SLC9B1: variants seen among roughly 807,000 people sequenced by gnomAD.
SLC9B1 encodes solute carrier family 9 member B1, also known as sodium/hydrogen exchanger 9B1.
SLC9B1 carries 32 observed loss-of-function variants against 51.7 expected under a neutral mutation model. That is an observed-to-expected ratio of 0.62 (90% CI 0.47 to 0.83). SLC9B1 has a LOEUF of 0.83. Among genes scored for constraint, SLC9B1 ranks in the 40% least tolerant of loss-of-function variants. The pLI is 0.00. For synonymous variants in SLC9B1, 145 were observed against 212.7 expected (o/e 0.68, Z 2.77); for missense variants, 406 against 613.2 (o/e 0.66, Z 3.57).
intron 7 of SLC9B1, among the ~76,000 whole-genome samples, chr4:102,915,868 G>C (rs148588595): frequency 0.016 from 2,375 of 152,194 alleles, 62 homozygotes; most frequent in African/African-American, 0.051. Flanking sequence ...ATTTAAAATA[G>C]ATTATTATAA....
At chr4:102,992,600 T>C (rs983646171) in intron 1 of SLC9B1, among the ~76,000 whole-genome samples, 1 of 152,206 alleles carries the variant, frequency 6.6e-6, no homozygotes, top group African/African-American at 2.4e-5. Context: ...TATTACTGCA[T>C]AAAATCCTAT....
At chr4:102,889,243 C>G (rs576486602) in intron 11 of SLC9B1, 20 of 147,052 alleles carry the variant, frequency 1.4e-4, no homozygotes, top group African/African-American at 5.2e-4. Flanking sequence ...ATTGCTCTCA[C>G]TTCTTTGACT....
intron 2 of SLC9B1, 53 bp downstream of exon 2, chr4:102,991,590 T>G: frequency 8.4e-7 from 1 of 1,196,754 alleles, no homozygotes. Context: ...GAATAAATTT[T>G]AAGATCAGGT....
intron 3 of SLC9B1, among the ~76,000 whole-genome samples, chr4:102,968,274 T>G (rs1738538133): frequency 1.3e-5 from 2 of 152,188 alleles, no homozygotes; most frequent in South Asian, 4.1e-4. Flanking sequence ...AACAAATGAT[T>G]CTATAATAAC....
At chr4:102,920,357 C>A (rs920481535) in intron 7 of SLC9B1, among the ~76,000 whole-genome samples, 2 of 152,064 alleles carry the variant, frequency 1.3e-5, no homozygotes, top group Non-Finnish European at 2.9e-5. Context: ...AAAGGAATAG[C>A]ATCAACATTA....
intron 1 of SLC9B1, among the ~76,000 whole-genome samples, chr4:103,003,781 G>T (rs765310120): frequency 6.6e-6 from 1 of 152,122 alleles, no homozygotes; most frequent in African/African-American, 2.4e-5. Context: ...AACAGAGCTA[G>T]GGGCCTGGTT....
chr4:102,906,710 C>G, intron 9 of SLC9B1, 66 bp from the exon 10 acceptor site: 1 of 946,512 alleles, frequency 1.1e-6, no homozygotes, highest in Non-Finnish European at 1.5e-6. Flanking sequence ...AACTTAAAGT[C>G]TTCCCCCCCC....
intron 1 of SLC9B1, among the ~76,000 whole-genome samples, chr4:103,018,163 C>T (rs1741496101): frequency 6.6e-6 from 1 of 152,066 alleles, no homozygotes; most frequent in Admixed American, 6.5e-5. Flanking sequence ...AGGATGAGTA[C>T]AAAAATAAGT....
At chr4:103,013,775 C>T (rs1317306977) in intron 1 of SLC9B1, among the ~76,000 whole-genome samples, 1 of 152,174 alleles carries the variant, frequency 6.6e-6, no homozygotes, top group African/African-American at 2.4e-5. Flanking sequence ...CATTCTTTCT[C>T]GCTGCTTTTC....
chr4:102,905,388 GATCA>G (rs1734994421), intron 11 of SLC9B1, 122 bp downstream of exon 11: 1 of 1,017,858 alleles, frequency 9.8e-7, no homozygotes, highest in Admixed American at 2.3e-5. Context: ...GAATAGTTAT[GATCA>G]ATCAAACATT....
At chr4:102,981,556 G>A (rs1739359603) in intron 3 of SLC9B1, among the ~76,000 whole-genome samples, 1 of 152,120 alleles carries the variant, frequency 6.6e-6, no homozygotes, top group Non-Finnish European at 1.5e-5. Context: ...CCTAATAGGT[G>A]TGTAGTGGTC....
At chr4:102,928,340 A>G (rs1736291125) in intron 7 of SLC9B1, among the ~76,000 whole-genome samples, 1 of 152,248 alleles carries the variant, frequency 6.6e-6, no homozygotes, top group Non-Finnish European at 1.5e-5. Context: ...TCTTTGCTAA[A>G]GCATAGCAAG....
At chr4:102,982,543 TTTAG>T (rs1739413857) in intron 3 of SLC9B1, among the ~76,000 whole-genome samples, 1 of 152,118 alleles carries the variant, frequency 6.6e-6, no homozygotes, top group Non-Finnish European at 1.5e-5. Context: ...TCTCAATTTA[TTTAG>T]TTCTTTTATT....
At chr4:102,956,665 A>G (rs1737830679) in intron 3 of SLC9B1, among the ~76,000 whole-genome samples, 1 of 152,204 alleles carries the variant, frequency 6.6e-6, no homozygotes, top group Non-Finnish European at 1.5e-5. Flanking sequence ...GCTGAAAACC[A>G]CTGGGCAGAA....
chr4:103,007,591 C>CTT (rs58447131), intron 1 of SLC9B1, among the ~76,000 whole-genome samples: 43 of 107,746 alleles, frequency 4.0e-4, no homozygotes, highest in Non-Finnish European at 6.1e-4. Context: ...CTCTTGTCAT[C>CTT]TTTTTTTTTT....
intron 11 of SLC9B1, chr4:102,888,706 G>A (rs543494475): frequency 2.7e-4 from 41 of 152,382 alleles, no homozygotes; most frequent in African/African-American, 9.1e-4. Context: ...ATTGAGGTGG[G>A]AGGATGGCTG....
At chr4:103,002,128 T>G (rs564875324) in intron 1 of SLC9B1, among the ~76,000 whole-genome samples, 10 of 152,296 alleles carry the variant, frequency 6.6e-5, no homozygotes, top group African/African-American at 2.4e-4. Context: ...ACATGTGGGC[T>G]TACAGGTCTC....
chr4:103,015,007 T>C (rs1560533062), intron 1 of SLC9B1: 1 of 152,272 alleles, frequency 6.6e-6, no homozygotes, highest in South Asian at 2.1e-4. Flanking sequence ...ATGATGTCTA[T>C]TATTATTATT....
rs112553909 is a variant in SLC9B1, at chr4:102,985,329, A to G, written c.211+4471T>C. On this transcript the variant is annotated intron_variant, in intron 3 of 11. Coordinates refer to ENST00000296422, the MANE Select transcript of SLC9B1 (RefSeq NM_139173.4). ...TATTGATATATTTGGGTTAATATCAATCATGCTTGTTCCTCTTTGCTATTC... is the reference window on the plus strand; with the variant it reads ...TATTGATATATTTGGGTTAATATCAGTCATGCTTGTTCCTCTTTGCTATTC... 1.8e-3 allele frequency among the ~76,000 whole-genome samples: 281 copies of G among 152,260 alleles called. 5 individuals carry two copies. The highest frequency in any genetic ancestry group is 6.6e-3 in the African/African-American group (273 of 41,556).
Sources: gnomAD v4.1 joint callset for allele counts (sites outside exome capture counted in the v4.1 genomes callset) on GRCh38, gnomAD v4.1.1 for gene constraint, MANE v1.5 for transcripts, NCBI Gene and HGNC (gene_info 2026-07-23, HGNC 2026-07-21) for gene names.